LARS1: variants seen among roughly 807,000 people sequenced by gnomAD.
LARS1 encodes the protein leucyl-tRNA synthetase 1, also known as leucine--tRNA ligase, cytoplasmic.
A neutral mutation model predicts 162.8 loss-of-function variants in LARS1; 100 were observed. That is an observed-to-expected ratio of 0.61 (90% CI 0.52 to 0.73). The LOEUF is 0.73. Among genes scored for constraint, LARS1 ranks in the 30% least tolerant of loss-of-function variants. LARS1 has a pLI of 0.00. For missense variants in LARS1, 1,258 were observed against 1,408.9 expected, an observed-to-expected ratio of 0.89 and a Z score of 1.71; for synonymous variants, 457 against 462.8, an observed-to-expected ratio of 0.99 and a Z score of 0.16.
intron 27 of LARS1, among the ~76,000 whole-genome samples, chr5:146,128,030 CA>C (rs1321979089): frequency 6.6e-6 from 1 of 151,986 alleles, no homozygotes; most frequent in Non-Finnish European, 1.5e-5. Context: ...ATAACCTAAG[CA>C]AAAAAGCCAA....
rs199856399 is a variant in LARS1, at chr5:146,157,814, C to T, written c.772-19G>A. On this transcript the variant is annotated intron_variant, in intron 8 of 31. Coordinates refer to ENST00000394434, the MANE Select transcript of LARS1 (RefSeq NM_020117.11). ...CAACACCCTAAGCAAATAAACGATACAAAAATTTGAAGGAAAAAAAAGACT... is the reference window on the plus strand; with the variant it reads ...CAACACCCTAAGCAAATAAACGATATAAAAATTTGAAGGAAAAAAAAGACT... The T allele has an allele frequency of 5.6e-6, 9 of 1,610,708 alleles. No individual in the cohort carries two copies. The East Asian group carries it at 2.0e-4, about 36-fold the overall frequency.
At chr5:146,181,645 A>C (rs931574594) in intron 1 of LARS1, among the ~76,000 whole-genome samples, 2 of 151,778 alleles carry the variant, frequency 1.3e-5, no homozygotes, top group African/African-American at 4.8e-5. Context: ...GAGTGAGAAC[A>C]TCTCCCAAAT....
intron 19 of LARS1, 86 bp from the exon 20 acceptor site, chr5:146,143,170 T>G: frequency 1.2e-6 from 1 of 836,602 alleles, no homozygotes; most frequent in Non-Finnish European, 1.7e-6. Flanking sequence ...AAACATGGAT[T>G]AGGAATCTCT....
At chr5:146,135,769 AAG>A (rs1163777178) in intron 21 of LARS1, 105 bp from the exon 22 acceptor site, 1 of 719,660 alleles carries the variant, frequency 1.4e-6, no homozygotes, top group Non-Finnish European at 2.2e-6. Context: ...AAAAACAAAA[AAG>A]AATTCAAAAT....
chr5:146,131,291 A>G, intron 23 of LARS1, 182 bp from the exon 24 acceptor site: 1 of 426,412 alleles, frequency 2.3e-6, no homozygotes, highest in Non-Finnish European at 4.1e-6. Context: ...ACACAACACC[A>G]TCTTTGCGTT....
Position 146,132,958 on chromosome 5 carries a change from G to C in LARS1, c.2336C>G (p.Ala779Gly), listed in dbSNP as rs62373772. The C allele has an allele frequency of 4.3e-5, 70 of 1,613,958 alleles. No homozygotes were observed. Among genetic ancestry groups the C allele is most frequent in the Middle Eastern group, 1.6e-4 (1 of 6,084 alleles). The stretch of plus-strand genomic sequence containing the variant: ...ACCACTTCTTAGGCTGTCCCAGTTG[G>C]CAACCATTTCTTTCACCCACTCTAC... ...TWVEWVKEMV[A>G]NWDSLRSGPA... Residue 779 changes from alanine (A) to glycine (G), a missense_variant, in exon 23 of 32, where the codon GCC becomes GGC. By Grantham distance (60) the Ala-to-Gly change is moderately conservative. Transcript: ENST00000394434.
intron 4 of LARS1, among the ~76,000 whole-genome samples, chr5:146,168,781 A>C (rs1754132416): frequency 6.6e-6 from 1 of 152,138 alleles, no homozygotes. Flanking sequence ...AATTTACTCA[A>C]AAACATTTAT....
intron 5 of LARS1, among the ~76,000 whole-genome samples, chr5:146,165,498 T>C (rs1275185624): frequency 6.6e-6 from 1 of 151,428 alleles, no homozygotes; most frequent in Non-Finnish European, 1.5e-5. Context: ...ACCACTGTAC[T>C]CCAGCCTGGG....
chr5:146,181,677 G>A (rs1162585897), intron 1 of LARS1, among the ~76,000 whole-genome samples: 1 of 151,516 alleles, frequency 6.6e-6, no homozygotes, highest in South Asian at 2.1e-4. Flanking sequence ...TTTAAAAATT[G>A]CAACTGTACT....
At chr5:146,115,046 G>GAAAAA (rs35008800) in intron 31 of LARS1, among the ~76,000 whole-genome samples, 8 of 97,648 alleles carry the variant, frequency 8.2e-5, no homozygotes, top group East Asian at 3.2e-4. Context: ...CTGTCGGGGG[G>GAAAAA]AAAAAAAAAA....
intron 13 of LARS1, among the ~76,000 whole-genome samples, chr5:146,152,692 T>C (rs187446171): frequency 2.0e-4 from 30 of 152,328 alleles, no homozygotes; most frequent in African/African-American, 7.2e-4. Flanking sequence ...TCATGGATGG[T>C]TGTGCTTTTG....
At chr5:146,144,821 C>T (rs1581042024) in intron 15 of LARS1, 112 bp from the exon 16 acceptor site, 2 of 892,044 alleles carry the variant, frequency 2.2e-6, no homozygotes, top group African/African-American at 3.4e-5. Context: ...TGAAAGCCCA[C>T]ATTTTCATTA....
rs1581022395 is a variant in LARS1 at position 146,133,005 on chromosome 5, A to G, written c.2289T>C (p.Gly763=). The change falls in exon 23 of 32, where the codon GGT becomes GGC. Residue 763 remains glycine (G), a synonymous_variant. Coordinates refer to ENST00000394434, the MANE Select transcript of LARS1 (RefSeq NM_020117.11). ...CTACCCAGGTGTACAGACGGAGAAT[A>G]CCTGCATCTGCCATGGCTTCCACAA... is the stretch of plus-strand genomic sequence containing the variant. The part of the protein sequence containing the change: ...ANFVEAMADA[G]ILRLYTWVEW... The G allele has an allele frequency of 6.2e-7, 1 of 1,613,986 alleles. No homozygotes were observed. Among genetic ancestry groups the G allele is most frequent in the Non-Finnish European group, 8.5e-7 (1 of 1,179,984 alleles).
chr5:146,155,834 A>T (rs1176791201), intron 10 of LARS1, among the ~76,000 whole-genome samples: 2 of 152,252 alleles, frequency 1.3e-5, no homozygotes, highest in Admixed American at 6.5e-5. Flanking sequence ...GTTCCCAAGA[A>T]CTTCTCAGAC....
chr5:146,168,958 T>A (rs1190344955), intron 4 of LARS1, among the ~76,000 whole-genome samples: 3 of 152,146 alleles, frequency 2.0e-5, no homozygotes, highest in African/African-American at 7.2e-5. Flanking sequence ...GAGATATACC[T>A]AATGTAAATG....
intron 4 of LARS1, among the ~76,000 whole-genome samples, chr5:146,170,644 T>C (rs1754223106): frequency 6.6e-6 from 1 of 152,122 alleles, no homozygotes; most frequent in South Asian, 2.1e-4. Context: ...TGCTGAAGTA[T>C]TTAGCAATGA....
Position 146,126,456 on chromosome 5 carries a change from C to T in LARS1, c.2970G>A (p.Met990Ile). 6.2e-7 allele frequency: 1 copy of T among 1,610,652 alleles called. No homozygotes were observed. The highest frequency in any genetic ancestry group is 8.5e-7 in the Non-Finnish European group (1 of 1,177,308). The stretch of plus-strand genomic sequence containing the variant: ...TTACCTTAATCATGGCAACAAATGG[C>T]ATGACTTTCTTCATGTATTTCTTCA... ...PELKKYMKKVMPFVAMIKENL... is the reference protein window; with the variant it reads ...PELKKYMKKVIPFVAMIKENL... The change falls in exon 28 of 32, where the codon ATG (methionine) becomes ATA (isoleucine). Residue 990 changes from methionine (M) to isoleucine (I), a missense_variant. Coordinates refer to ENST00000394434, the MANE Select transcript of LARS1 (RefSeq NM_020117.11).
At chr5:146,158,891 T>G (rs528698613) in intron 8 of LARS1, among the ~76,000 whole-genome samples, 2 of 152,112 alleles carry the variant, frequency 1.3e-5, no homozygotes, top group South Asian at 4.2e-4. Context: ...GGTCAGGAGA[T>G]CGAGACCATC....
intron 30 of LARS1, 145 bp downstream of exon 30, chr5:146,122,347 C>G: frequency 2.0e-6 from 1 of 509,742 alleles, no homozygotes; most frequent in East Asian, 3.0e-5. Context: ...ATTTCTAACA[C>G]TCTATGGGGT....
Sources: gnomAD v4.1 joint callset for allele counts (sites outside exome capture counted in the v4.1 genomes callset) on GRCh38, gnomAD v4.1.1 for gene constraint, MANE v1.5 for transcripts, NCBI Gene and HGNC (gene_info 2026-07-23, HGNC 2026-07-21) for gene names.